The following SRGAP1 variants were observed in gnomAD, a reference collection of about 807,000 sequenced individuals.
SRGAP1 encodes the protein SLIT-ROBO Rho GTPase-activating protein 1.
Under a neutral mutation model 121.9 loss-of-function variants are expected in SRGAP1, and 43 were observed. The ratio of observed to expected loss-of-function variants is 0.35; its 90% confidence interval spans 0.28 to 0.46. The LOEUF (loss-of-function observed/expected upper bound fraction) is 0.46, where lower values mean the gene tolerates loss of function less well. Ranked by LOEUF, SRGAP1 falls within the 20% of genes least tolerant of loss-of-function variation. The pLI, the probability that SRGAP1 is intolerant of heterozygous loss-of-function variation, is 1.00. For synonymous variants in SRGAP1, 447 were observed against 485.4 expected, an observed-to-expected ratio of 0.92 and a Z score of 1.04; for missense variants, 1,102 against 1,350.9, an observed-to-expected ratio of 0.82 and a Z score of 2.89.
chr12:63,952,480 A>G (rs1027968448), intron 1 of SRGAP1, among the ~76,000 whole-genome samples: 2 of 152,168 alleles, frequency 1.3e-5, no homozygotes, highest in African/African-American at 2.4e-5. Flanking sequence ...TGTGCACTGC[A>G]CTACAGCCCA....
At chr12:64,003,080 AAGGGAGGGTG>A (rs2033955840) in intron 3 of SRGAP1, among the ~76,000 whole-genome samples, 3 of 24,974 alleles carry the variant, frequency 1.2e-4, no homozygotes, top group Non-Finnish European at 2.0e-4. Flanking sequence ...GGGAGGGAGG[AAGGGAGGGTG>A]GGAGGGAGGG....
At chr12:64,106,433 T>C (rs1226286332) in intron 15 of SRGAP1, among the ~76,000 whole-genome samples, 1 of 152,212 alleles carries the variant, frequency 6.6e-6, no homozygotes, top group East Asian at 1.9e-4. Context: ...ATTTCTGATA[T>C]GAGATAATAA....
At position 64,150,315 on chromosome 12, in the gene SRGAP1, G is replaced by C. The variant is rs1336956248; in HGVS notation, c.*7643G>C. On this transcript the variant is annotated 3_prime_UTR_variant, in exon 22 of 22. Coordinates refer to ENST00000355086, the MANE Select transcript of SRGAP1 (RefSeq NM_020762.4). ...TGCGATCCAATTCTGGCGACTTATG[G>C]ATGGATCCTTCACACCCAACAGCTG... 6.6e-6 allele frequency: 1 copy of C among 152,176 alleles called. No individual in the cohort carries two copies. The highest frequency in any genetic ancestry group is 1.5e-5 in the Non-Finnish European group (1 of 68,030). The allele number at this position is 152,176 out of a possible 1,614,324, so 9.4% of individuals were successfully genotyped here.
intron 1 of SRGAP1, among the ~76,000 whole-genome samples, chr12:63,975,475 G>T (rs2033067847): frequency 6.6e-6 from 1 of 152,082 alleles, no homozygotes; most frequent in South Asian, 2.1e-4. Flanking sequence ...AAAGTAAAAA[G>T]AAACCATTGA....
At chr12:64,112,509 G>A (rs541247931) in intron 17 of SRGAP1, among the ~76,000 whole-genome samples, 47 of 151,918 alleles carry the variant, frequency 3.1e-4, no homozygotes, top group Non-Finnish European at 6.6e-4. Flanking sequence ...TATATTTTGG[G>A]GATAAAATTT....
intron 4 of SRGAP1, among the ~76,000 whole-genome samples, chr12:64,019,577 A>C (rs1047255712): frequency 2.0e-5 from 3 of 151,468 alleles, no homozygotes; most frequent in African/African-American, 4.9e-5. Flanking sequence ...ACACACACAC[A>C]CCCTCTCCCT....
At chr12:63,869,284 G>A (rs1374975610) in intron 1 of SRGAP1, among the ~76,000 whole-genome samples, 1 of 152,168 alleles carries the variant, frequency 6.6e-6, no homozygotes, top group African/African-American at 2.4e-5. Context: ...AGGGCCAAAT[G>A]TATCTTTTAT....
intron 1 of SRGAP1, among the ~76,000 whole-genome samples, chr12:63,865,219 G>A (rs1899584405): frequency 6.6e-6 from 1 of 152,164 alleles, no homozygotes; most frequent in Non-Finnish European, 1.5e-5. Flanking sequence ...CACTTTGGGA[G>A]GCTGAGGCGG....
chr12:63,967,843 G>C (rs1013395957), intron 1 of SRGAP1, among the ~76,000 whole-genome samples: 1 of 152,196 alleles, frequency 6.6e-6, no homozygotes, highest in Non-Finnish European at 1.5e-5. Context: ...CTTTCCCCCA[G>C]TTTCTGGAGT....
At chr12:63,948,337 T>A (rs2136358901) in intron 1 of SRGAP1, among the ~76,000 whole-genome samples, 1 of 152,244 alleles carries the variant, frequency 6.6e-6, no homozygotes, top group East Asian at 1.9e-4. Flanking sequence ...AAAACCTCCC[T>A]GAAGAACACT....
At chr12:64,093,117 C>T (rs913073838) in intron 12 of SRGAP1, among the ~76,000 whole-genome samples, 2 of 152,102 alleles carry the variant, frequency 1.3e-5, no homozygotes, top group African/African-American at 2.4e-5. Flanking sequence ...AAGAGCAAAA[C>T]CATTTTTTCT....
intron 4 of SRGAP1, among the ~76,000 whole-genome samples, chr12:64,017,288 A>G (rs947527124): frequency 1.3e-5 from 2 of 152,250 alleles, no homozygotes; most frequent in African/African-American, 2.4e-5. Context: ...AAATTGAAGT[A>G]TAGATGTCTC....
intron 1 of SRGAP1, among the ~76,000 whole-genome samples, chr12:63,979,038 C>CAT (rs2033173825): frequency 2.4e-5 from 2 of 82,118 alleles, no homozygotes; most frequent in Non-Finnish European, 4.4e-5. Flanking sequence ...ACCCTTTGAC[C>CAT]TTTTTTTTTT....
intron 17 of SRGAP1, among the ~76,000 whole-genome samples, chr12:64,115,069 A>G (rs1183678608): frequency 6.6e-6 from 1 of 152,236 alleles, no homozygotes; most frequent in Non-Finnish European, 1.5e-5. Context: ...CAGATATGCA[A>G]TGAACATGTG....
At chr12:64,076,882 G>C (rs1317540674) in intron 8 of SRGAP1, among the ~76,000 whole-genome samples, 2 of 151,986 alleles carry the variant, frequency 1.3e-5, no homozygotes, top group Non-Finnish European at 2.9e-5. Context: ...GACCTCAAGC[G>C]ATCCACCGCC....
intron 4 of SRGAP1, among the ~76,000 whole-genome samples, chr12:64,021,989 C>A (rs141861883): frequency 6.1e-4 from 93 of 152,274 alleles, no homozygotes; most frequent in African/African-American, 2.2e-3. Context: ...AAACCAGGGA[C>A]ACCATTGTGC....
At chr12:64,040,337 T>C (rs957892290) in intron 4 of SRGAP1, among the ~76,000 whole-genome samples, 2 of 152,234 alleles carry the variant, frequency 1.3e-5, no homozygotes, top group Non-Finnish European at 2.9e-5. Context: ...CTCAACTTCT[T>C]AGACCTTAGT....
chr12:63,900,387 G>T (rs1377643354), intron 1 of SRGAP1, among the ~76,000 whole-genome samples: 1 of 150,166 alleles, frequency 6.7e-6, no homozygotes, highest in African/African-American at 2.4e-5. Context: ...TTGTATTTTT[G>T]GTACAGACAG....
chr12:64,085,088 G>A (rs1014317933), intron 10 of SRGAP1, among the ~76,000 whole-genome samples: 1 of 152,046 alleles, frequency 6.6e-6, no homozygotes, highest in African/African-American at 2.4e-5. Flanking sequence ...GTACATTATA[G>A]TTCCTGGGAT....
Sources: allele counts gnomAD v4.1 joint callset (sites outside exome capture counted in the v4.1 genomes callset), GRCh38; gene constraint gnomAD v4.1.1; transcripts MANE v1.5; gene names NCBI Gene and HGNC (gene_info 2026-07-23, HGNC 2026-07-21).